Variants in FANK1 observed in about 807,000 individuals in gnomAD.
The protein encoded by FANK1 is fibronectin type III and ankyrin repeat domains 1.
A neutral mutation model predicts 45.3 loss-of-function variants in FANK1; 44 were observed. That is an observed-to-expected ratio of 0.97 (90% CI 0.76 to 1.25). The LOEUF (loss-of-function observed/expected upper bound fraction) is 1.25, where lower values mean the gene tolerates loss of function less well. Ranked by LOEUF, FANK1 falls within the 50% of genes most tolerant of loss-of-function variation. The pLI, the probability that FANK1 is intolerant of heterozygous loss-of-function variation, is 0.00. For missense variants in FANK1, 391 were observed against 424.4 expected, an observed-to-expected ratio of 0.92 and a Z score of 0.69; for synonymous variants, 149 against 152.5, an observed-to-expected ratio of 0.98 and a Z score of 0.17.
At chr10:125,898,041 T>C (rs73383026) in intron 1 of FANK1, among the ~76,000 whole-genome samples, 2 of 72,498 alleles carry the variant, frequency 2.8e-5, no homozygotes, top group African/African-American at 1.1e-4. Flanking sequence ...AAAAGCCAGG[T>C]GTGGTGGCGC....
chr10:125,947,767 A>G lies in FANK1; in HGVS notation c.14-32394A>G, dbSNP rs201227960. Among the ~76,000 whole-genome samples, 1,627 of 137,116 alleles carry G rather than the reference A, an allele frequency of 0.012. 113 individuals carry two copies. The East Asian group carries it at 0.18, about 15-fold the overall frequency. 90.0% of individuals were successfully genotyped at this position (137,116 alleles called of 152,430 possible). On this transcript the variant is annotated intron_variant, in intron 1 of 10. Coordinates refer to ENST00000368693, the MANE Select transcript of FANK1 (RefSeq NM_145235.5). The stretch of plus-strand genomic sequence containing the variant: ...CTCAGCTCTGCACCAAGTGGACCTA[A>G]TAGACATCTACAGAACTCTCCACCC...
intron 1 of FANK1, among the ~76,000 whole-genome samples, chr10:125,948,588 C>T (rs1475483421): frequency 6.6e-6 from 1 of 152,102 alleles, no homozygotes; most frequent in African/African-American, 2.4e-5. Context: ...CTGAATAGAC[C>T]AATAACAGGA....
At chr10:125,969,810 T>G (rs1950383198) in intron 1 of FANK1, among the ~76,000 whole-genome samples, 2 of 152,058 alleles carry the variant, frequency 1.3e-5, no homozygotes, top group Non-Finnish European at 2.9e-5. Context: ...TACTTGAGAT[T>G]AGGTATTGGT....
intron 1 of FANK1, among the ~76,000 whole-genome samples, chr10:125,904,184 A>G (rs1945286727): frequency 6.6e-6 from 1 of 152,228 alleles, no homozygotes; most frequent in African/African-American, 2.4e-5. Flanking sequence ...TCTTCTACTC[A>G]TGAAAAGTCA....
At position 125,996,631 on chromosome 10, in the gene FANK1, C is replaced by T. The variant is rs780247750; in HGVS notation, c.473+7C>T. The T allele has an allele frequency of 3.7e-6, 6 of 1,612,700 alleles. No individual in the cohort carries two copies. The African/African-American group carries it at 4.0e-5, about 11-fold the overall frequency. On this transcript the variant is annotated splice_region_variant and intron_variant, in intron 5 of 10. Coordinates refer to ENST00000368693, the MANE Select transcript of FANK1 (RefSeq NM_145235.5). ...CCCAGAAAGGATACACCAGGTATGG[C>T]TCTTCTTTTTTTTAAATCTCTCTTG... is the stretch of plus-strand genomic sequence containing the variant.
chr10:125,992,982 A>G (rs542258317), intron 3 of FANK1, among the ~76,000 whole-genome samples: 60 of 152,266 alleles, frequency 3.9e-4, no homozygotes, highest in Admixed American at 8.5e-4. Flanking sequence ...ACTAAGTACT[A>G]AAGGGAAGGA....
chr10:125,944,985 A>G (rs970708039), intron 1 of FANK1, among the ~76,000 whole-genome samples: 4 of 152,158 alleles, frequency 2.6e-5, no homozygotes, highest in African/African-American at 7.2e-5. Flanking sequence ...GGTCTCCCCA[A>G]CCGAGCTTGT....
At chr10:125,956,572 A>C (rs1272675878) in intron 1 of FANK1, among the ~76,000 whole-genome samples, 1 of 152,224 alleles carries the variant, frequency 6.6e-6, no homozygotes, top group Non-Finnish European at 1.5e-5. Context: ...CCACAGGTAC[A>C]TGAAATGTAA....
intron 6 of FANK1, 93 bp from the exon 7 acceptor site, chr10:126,004,791 G>T: frequency 7.7e-7 from 1 of 1,307,004 alleles, no homozygotes; most frequent in African/African-American, 1.5e-5. Flanking sequence ...ACTCAAGTTA[G>T]GATTTCTTGG....
At chr10:125,989,911 C>A (rs1020158377) in intron 3 of FANK1, among the ~76,000 whole-genome samples, 7 of 152,192 alleles carry the variant, frequency 4.6e-5, no homozygotes, top group Non-Finnish European at 1.0e-4. Context: ...GCCAGGATGC[C>A]GTCCCAGGCT....
At chr10:125,955,742 G>C (rs1452374004) in intron 1 of FANK1, among the ~76,000 whole-genome samples, 2 of 152,150 alleles carry the variant, frequency 1.3e-5, no homozygotes, top group East Asian at 1.9e-4. Context: ...AAAGTGCTGG[G>C]ATTACAGGTG....
chr10:125,917,238 T>G (rs1946520162), intron 1 of FANK1, among the ~76,000 whole-genome samples: 1 of 152,214 alleles, frequency 6.6e-6, no homozygotes, highest in Non-Finnish European at 1.5e-5. Flanking sequence ...TCTACTTGAA[T>G]CAGCGGAAGA....
chr10:125,951,831 A>G (rs1949253851), intron 1 of FANK1, among the ~76,000 whole-genome samples: 2 of 152,230 alleles, frequency 1.3e-5, no homozygotes, highest in South Asian at 4.1e-4. Context: ...AATTCATCTG[A>G]AATTGAGACA....
intron 1 of FANK1, among the ~76,000 whole-genome samples, chr10:125,940,971 ATC>A (rs1441468964): frequency 1.3e-5 from 2 of 152,254 alleles, no homozygotes; most frequent in African/African-American, 4.8e-5. Flanking sequence ...GATTAATAGC[ATC>A]TCAAGGCAAA....
chr10:125,987,673 A>C (rs960046405), intron 2 of FANK1, among the ~76,000 whole-genome samples: 1 of 152,174 alleles, frequency 6.6e-6, no homozygotes, highest in African/African-American at 2.4e-5. Context: ...AATGGGTAAC[A>C]TGGAGGTTTT....
intron 1 of FANK1, among the ~76,000 whole-genome samples, chr10:125,942,005 TGGG>T (rs1948481108): frequency 6.6e-6 from 1 of 152,178 alleles, no homozygotes; most frequent in Non-Finnish European, 1.5e-5. Context: ...GGCCTTCAGA[TGGG>T]GGCTGGTTCC....
At chr10:126,008,302 T>G in intron 7 of FANK1, 105 bp from the exon 8 acceptor site, 2 of 1,410,158 alleles carry the variant, frequency 1.4e-6, no homozygotes, top group East Asian at 4.9e-5. Context: ...GAAAGACGGC[T>G]ATCTAAGTCC....
chr10:125,919,477 A>G (rs1946782335), intron 1 of FANK1, among the ~76,000 whole-genome samples: 1 of 152,064 alleles, frequency 6.6e-6, no homozygotes, highest in African/African-American at 2.4e-5. Context: ...AAGTGCTGGG[A>G]TTACAGGTGT....
intron 1 of FANK1, among the ~76,000 whole-genome samples, chr10:125,921,825 A>T (rs990346297): frequency 6.6e-6 from 1 of 152,076 alleles, no homozygotes; most frequent in African/African-American, 2.4e-5. Flanking sequence ...TGGTATTGGT[A>T]ATTTGTGTTT....
Sources: allele counts gnomAD v4.1 joint callset (sites outside exome capture counted in the v4.1 genomes callset), GRCh38; gene constraint gnomAD v4.1.1; transcripts MANE v1.5; gene names NCBI Gene and HGNC (gene_info 2026-07-23, HGNC 2026-07-21).